The following RANBP10 variants were observed in gnomAD, a reference collection of about 807,000 sequenced individuals.
RANBP10 encodes ran-binding protein 10.
In RANBP10, 24 loss-of-function variants were observed where a neutral mutation model predicts 72.8. The observed-to-expected ratio is 0.33, with a 90% CI of 0.24 to 0.46. The LOEUF is 0.46. Ranked by LOEUF, RANBP10 falls within the 20% of genes least tolerant of loss-of-function variation. The pLI is 1.00. For synonymous variants in RANBP10, 310 were observed against 322.3 expected (o/e 0.96, Z 0.41); for missense variants, 679 against 817.5 (o/e 0.83, Z 2.07).
At chr16:67,796,440 C>T (rs1408013150) in intron 2 of RANBP10, among the ~76,000 whole-genome samples, 1 of 152,102 alleles carries the variant, frequency 6.6e-6, no homozygotes, top group Non-Finnish European at 1.5e-5. Flanking sequence ...TAAGCTGAGC[C>T]CTCAACCATC....
intron 3 of RANBP10, among the ~76,000 whole-genome samples, chr16:67,765,220 A>C (rs1413996693): frequency 2.0e-5 from 3 of 150,812 alleles, no homozygotes; most frequent in Non-Finnish European, 4.4e-5. Flanking sequence ...AAAAAAAAAA[A>C]AAAAAAAACA....
At chr16:67,804,591 T>C (rs1269393117) in intron 2 of RANBP10, among the ~76,000 whole-genome samples, 1 of 152,048 alleles carries the variant, frequency 6.6e-6, no homozygotes, top group Non-Finnish European at 1.5e-5. Flanking sequence ...TTTTTAGAGA[T>C]GGGGTTTTAC....
chr16:67,780,109 G>A (rs2054783292), intron 2 of RANBP10, among the ~76,000 whole-genome samples: 1 of 152,112 alleles, frequency 6.6e-6, no homozygotes, highest in Non-Finnish European at 1.5e-5. Context: ...GCGGGTGCCT[G>A]TAGTCCCAGC....
Position 67,729,558 on chromosome 16 carries a change from G to A in RANBP10, c.1148-74C>T. 1 of 1,562,698 alleles carries A rather than the reference G, an allele frequency of 6.4e-7. No individual in the cohort carries two copies. Among genetic ancestry groups the A allele is most frequent in the South Asian group, 1.2e-5 (1 of 83,620 alleles). ...ATGAAGCCCCAAGAACAACCACAGT[G>A]GTCCCATTTCCCTTCTCCCAAATCC... On this transcript the variant is annotated intron_variant, in intron 9 of 13. Coordinates refer to ENST00000317506, the MANE Select transcript of RANBP10 (RefSeq NM_020850.3). The surrounding 1 kb of genome is among the most constrained non-coding windows in gnomAD (Gnocchi z 7.1).
At chr16:67,788,409 TG>T (rs2054957871) in intron 2 of RANBP10, among the ~76,000 whole-genome samples, 2 of 151,098 alleles carry the variant, frequency 1.3e-5, no homozygotes, top group Admixed American at 1.3e-4. Flanking sequence ...CCCGCCACCA[TG>T]CCCGGCTAAT....
At chr16:67,756,570 G>A (rs1381641330) in intron 3 of RANBP10, among the ~76,000 whole-genome samples, 1 of 152,228 alleles carries the variant, frequency 6.6e-6, no homozygotes, top group Non-Finnish European at 1.5e-5. Flanking sequence ...AGGTATAGTG[G>A]TGGGTGCCTG....
intron 2 of RANBP10, among the ~76,000 whole-genome samples, chr16:67,774,023 A>G (rs2054652521): frequency 6.6e-6 from 1 of 152,216 alleles, no homozygotes; most frequent in African/African-American, 2.4e-5. Flanking sequence ...CTGCAGCCCA[A>G]ATAATCAGCT....
intron 11 of RANBP10, 120 bp from the exon 12 acceptor site, chr16:67,728,016 G>T: frequency 9.1e-7 from 1 of 1,097,716 alleles, no homozygotes; most frequent in Non-Finnish European, 1.3e-6. Flanking sequence ...GGCAGGGCTG[G>T]GAGGAACAGG....
At chr16:67,727,138 A>G (rs140856425) in intron 13 of RANBP10, among the ~76,000 whole-genome samples, 189 bp downstream of exon 13, 1 of 152,104 alleles carries the variant, frequency 6.6e-6, no homozygotes, top group Non-Finnish European at 1.5e-5. Context: ...TACTAAAAAT[A>G]CAACAACTAG....
chr16:67,786,787 C>T (rs1243989915), intron 2 of RANBP10, among the ~76,000 whole-genome samples: 3 of 151,694 alleles, frequency 2.0e-5, no homozygotes, highest in East Asian at 3.9e-4. Context: ...ATCAGCCAGG[C>T]GTAGTGGTAC....
At chr16:67,774,899 C>G (rs1339849509) in intron 2 of RANBP10, among the ~76,000 whole-genome samples, 2 of 152,168 alleles carry the variant, frequency 1.3e-5, no homozygotes, top group African/African-American at 2.4e-5. Context: ...TGTGAATACA[C>G]TAAAAAACAC....
At chr16:67,752,130 C>T (rs866478122) in intron 3 of RANBP10, among the ~76,000 whole-genome samples, 41 of 152,234 alleles carry the variant, frequency 2.7e-4, no homozygotes, top group Middle Eastern at 6.8e-3. Context: ...TGTTACAGGC[C>T]GGATAAGACC....
Position 67,730,011 on chromosome 16 carries a change from C to T in RANBP10, c.925G>A (p.Glu309Lys), listed in dbSNP as rs61740574. The T allele has an allele frequency of 7.4e-6, 12 of 1,613,282 alleles. No individual in the cohort carries two copies. The highest frequency in any genetic ancestry group is 1.6e-4 in the Middle Eastern group (1 of 6,062). ...AAGCGCTGGGTGGTCTCGATGGCCT[C>T]GCCCACACGGCCCTCCAGCACCAGC... is the stretch of plus-strand genomic sequence containing the variant. ...QKLVLEGRVG[E>K]AIETTQRFYP... The change falls in exon 8 of 14, where the codon GAG (glutamate) becomes AAG (lysine). Residue 309 changes from glutamate to lysine, a missense_variant. By Grantham distance (56) the Glu-to-Lys change is moderately conservative. Transcript: ENST00000317506. The surrounding 1 kb of genome is among the most constrained non-coding windows in gnomAD (Gnocchi z 4.3).
At position 67,765,618 on chromosome 16, in the gene RANBP10, C is replaced by T. The variant is rs964447846; in HGVS notation, c.400+6416G>A. On this transcript the variant is annotated intron_variant, in intron 3 of 13. Coordinates refer to ENST00000317506, the MANE Select transcript of RANBP10 (RefSeq NM_020850.3). ...TTGAGAGGCTGAGGTGGGCGGATCA[C>T]GAGGTCAGGAGATCGAGACCATCCT... Among the ~76,000 whole-genome samples the T allele has an allele frequency of 1.2e-4, 19 of 152,192 alleles. No homozygotes were observed. In the Middle Eastern group the frequency reaches 0.01, roughly 82 times the overall value.
intron 3 of RANBP10, among the ~76,000 whole-genome samples, chr16:67,750,553 C>T (rs940383783): frequency 2.0e-5 from 3 of 152,124 alleles, no homozygotes; most frequent in African/African-American, 7.2e-5. Flanking sequence ...AGGAAAGTTC[C>T]TCCAGTGCCC....
At chr16:67,745,615 G>A (rs1000118081) in intron 3 of RANBP10, among the ~76,000 whole-genome samples, 4 of 152,182 alleles carry the variant, frequency 2.6e-5, no homozygotes, top group African/African-American at 4.8e-5. Context: ...GATTACAGGC[G>A]TGAGCCACCG....
At chr16:67,756,638 G>A (rs2054290484) in intron 3 of RANBP10, among the ~76,000 whole-genome samples, 2 of 152,138 alleles carry the variant, frequency 1.3e-5, no homozygotes, top group Non-Finnish European at 2.9e-5. Context: ...GGGAGGCAGA[G>A]GTTGCAGTAA....
chr16:67,772,198 T>G (rs765139179), intron 2 of RANBP10, 112 bp from the exon 3 acceptor site: 2 of 1,155,516 alleles, frequency 1.7e-6, no homozygotes, highest in Non-Finnish European at 2.5e-6. Flanking sequence ...AAGCAATGAA[T>G]GTAGAGGCTC....
At chr16:67,805,295 G>A (rs2055344330) in intron 2 of RANBP10, 133 bp downstream of exon 2, 1 of 677,512 alleles carries the variant, frequency 1.5e-6, no homozygotes, top group Non-Finnish European at 2.4e-6. Context: ...CCCACAGTCA[G>A]GAAATAATGG....
Sources: gnomAD v4.1 joint callset for allele counts (sites outside exome capture counted in the v4.1 genomes callset) on GRCh38, gnomAD v4.1.1 for gene constraint, Gnocchi (gnomAD v3.1) non-coding constraint, MANE v1.5 for transcripts, NCBI Gene and HGNC (gene_info 2026-07-23, HGNC 2026-07-21) for gene names.